The following CNTN5 variants were observed in gnomAD, a reference collection of about 807,000 sequenced individuals.
CNTN5 encodes contactin 5.
Under a neutral mutation model 129.1 loss-of-function variants are expected in CNTN5, and 77 were observed. The ratio of observed to expected loss-of-function variants is 0.60; its 90% CI spans 0.50 to 0.72. CNTN5 has a LOEUF of 0.72. Among genes scored for constraint, CNTN5 ranks in the 30% least tolerant of loss-of-function variants. CNTN5 has a pLI of 0.00. For synonymous variants in CNTN5, 509 were observed against 465.6 expected (o/e 1.09, Z -1.20); for missense variants, 1,478 against 1,328.8 (o/e 1.11, Z -1.75).
At chr11:99,641,526 G>T (rs1030289690) in intron 3 of CNTN5, among the ~76,000 whole-genome samples, 2 of 152,098 alleles carry the variant, frequency 1.3e-5, no homozygotes, top group African/African-American at 4.8e-5. Flanking sequence ...GGAAGTTCAC[G>T]GGTGGAGAAA....
chr11:100,350,734 C>T lies in CNTN5; in HGVS notation c.3063C>T (p.Ser1021=). Residue 1021 remains serine, a synonymous_variant, in exon 24 of 25, where the codon AGC becomes AGT. Transcript: ENST00000524871. ...ATAGGCAAGAGGGTCACAGCAACAG[C>T]CAAGTTATTGAAACACAGAAACTTC... The part of the protein sequence containing the change: ...VFYRQEGHSN[S]QVIETQKLQA... 6.2e-7 allele frequency: 1 copy of T among 1,608,046 alleles called. No homozygotes were observed. Among genetic ancestry groups the T allele is most frequent in the Non-Finnish European group, 8.5e-7 (1 of 1,176,376 alleles).
intron 3 of CNTN5, among the ~76,000 whole-genome samples, chr11:99,608,250 A>G (rs912391880): frequency 6.6e-6 from 1 of 152,154 alleles, no homozygotes; most frequent in African/African-American, 2.4e-5. Flanking sequence ...CATACTAGGA[A>G]TTGGAAGTCC....
chr11:99,556,226 T>A lies in CNTN5; in HGVS notation c.12T>A (p.Ser4=), dbSNP rs1465202855. 33 of 1,515,228 alleles carry A rather than the reference T, an allele frequency of 2.2e-5. No homozygotes were observed. The highest frequency in any genetic ancestry group is 2.8e-5 in the Non-Finnish European group (32 of 1,123,534). The allele number at this position is 1,515,228 out of a possible 1,614,324, so 93.9% of individuals were successfully genotyped here. Residue 4 remains serine (S), a synonymous_variant, in exon 3 of 25, where the codon TCT becomes TCA. Coordinates refer to ENST00000524871, the MANE Select transcript of CNTN5 (RefSeq NM_014361.4). ...TCTAGTGACTGAGGATGGCTTCCTC[T>A]TGGAAACTAATGCTGTTTCTGTCAG... MAS[S]WKLMLFLSVT... is the part of the protein sequence containing the mutation.
At chr11:99,570,054 G>T (rs1357323537) in intron 3 of CNTN5, among the ~76,000 whole-genome samples, 1 of 151,634 alleles carries the variant, frequency 6.6e-6, no homozygotes, top group Non-Finnish European at 1.5e-5. Context: ...TCATCAGGCT[G>T]CTCAGCCTCA....
chr11:100,318,573 C>A lies in CNTN5; in HGVS notation c.2730+10105C>A, dbSNP rs532032678. Reference sequence around the variant, plus strand: ...TAACAAATCTGCACACAGAAAAGTGCAAAAATTATTTTATTTTACAAATAT... The same window carrying A: ...TAACAAATCTGCACACAGAAAAGTGAAAAAATTATTTTATTTTACAAATAT... On this transcript the variant is annotated intron_variant, in intron 21 of 24. Transcript: ENST00000524871. Among the ~76,000 whole-genome samples the A allele has an allele frequency of 7.2e-5, 11 of 152,116 alleles. 1 individual carries two copies. In the South Asian group the frequency reaches 2.1e-3, roughly 29 times the overall value.
intron 1 of CNTN5, among the ~76,000 whole-genome samples, chr11:99,081,466 G>A (rs74609996): frequency 0.033 from 5,085 of 152,180 alleles, 164 homozygotes; most frequent in African/African-American, 0.082. Context: ...CCTTTTCTCT[G>A]TTTCAATTAA....
At chr11:100,295,223 T>A (rs1279326260) in intron 18 of CNTN5, among the ~76,000 whole-genome samples, 2 of 151,618 alleles carry the variant, frequency 1.3e-5, no homozygotes, top group African/African-American at 4.8e-5. Flanking sequence ...AGATGGGCTA[T>A]CTTGTCTTGA....
chr11:99,548,181 C>A (rs890409960), intron 2 of CNTN5, among the ~76,000 whole-genome samples: 1 of 151,954 alleles, frequency 6.6e-6, no homozygotes, highest in Admixed American at 6.6e-5. Flanking sequence ...TTGGAAAAAT[C>A]AGTTTTTGAT....
At chr11:99,729,233 G>T (rs1175785983) in intron 3 of CNTN5, among the ~76,000 whole-genome samples, 1 of 152,082 alleles carries the variant, frequency 6.6e-6, no homozygotes, top group Non-Finnish European at 1.5e-5. Flanking sequence ...GGTGATGGGG[G>T]TGCCTTCAGA....
intron 3 of CNTN5, among the ~76,000 whole-genome samples, chr11:99,795,928 C>A (rs1945921242): frequency 6.6e-6 from 1 of 152,184 alleles, no homozygotes; most frequent in South Asian, 2.1e-4. Context: ...CTTCATCAGG[C>A]AGTTTCAGTG....
intron 7 of CNTN5, among the ~76,000 whole-genome samples, chr11:99,938,110 T>G (rs2136101693): frequency 6.6e-6 from 1 of 152,284 alleles, no homozygotes; most frequent in Non-Finnish European, 1.5e-5. Flanking sequence ...AAAGGAATTT[T>G]ATTTTTAAAG....
At chr11:99,090,557 C>T (rs1035294718) in intron 1 of CNTN5, among the ~76,000 whole-genome samples, 1 of 151,858 alleles carries the variant, frequency 6.6e-6, no homozygotes, top group African/African-American at 2.4e-5. Flanking sequence ...ACAAAATCCA[C>T]AAATCCCTTA....
rs1951294570 is a variant in CNTN5 at position 99,630,282 on chromosome 11, A to C, written c.55+74013A>C. Reference sequence around the variant, plus strand: ...TATATATATATATGTATATACACATAATATGGTTGGAAAGATCATTTAAAA... The same window carrying C: ...TATATATATATATGTATATACACATCATATGGTTGGAAAGATCATTTAAAA... On this transcript the variant is annotated intron_variant, in intron 3 of 24. Transcript: ENST00000524871. Among the ~76,000 whole-genome samples the C allele has an allele frequency of 2.0e-5, 3 of 151,474 alleles. No homozygotes were observed. In the South Asian group the frequency reaches 6.3e-4, roughly 32 times the overall value.
intron 3 of CNTN5, among the ~76,000 whole-genome samples, chr11:99,816,526 C>T (rs1004457249): frequency 1.3e-5 from 2 of 152,134 alleles, no homozygotes; most frequent in African/African-American, 4.8e-5. Flanking sequence ...GGCAACCTTG[C>T]CTGATTTTTC....
intron 1 of CNTN5, among the ~76,000 whole-genome samples, chr11:99,038,518 T>G (rs1316209837): frequency 6.6e-6 from 1 of 152,128 alleles, no homozygotes; most frequent in Non-Finnish European, 1.5e-5. Flanking sequence ...ATGCTAGAAC[T>G]GATTCCTCCT....
intron 1 of CNTN5, among the ~76,000 whole-genome samples, chr11:99,135,730 C>T (rs1859188653): frequency 6.6e-6 from 1 of 152,064 alleles, no homozygotes; most frequent in Admixed American, 6.6e-5. Context: ...ATTTTATCTT[C>T]TACTAAATAC....
chr11:99,561,523 T>A (rs1948842768), intron 3 of CNTN5, among the ~76,000 whole-genome samples: 2 of 152,162 alleles, frequency 1.3e-5, no homozygotes, highest in Admixed American at 1.3e-4. Flanking sequence ...GCATACTGAC[T>A]TGTTTCCAAA....
chr11:99,208,432 C>T (rs1859592326), intron 1 of CNTN5, among the ~76,000 whole-genome samples: 2 of 152,058 alleles, frequency 1.3e-5, no homozygotes, highest in Admixed American at 1.3e-4. Context: ...AATTAATACC[C>T]TAAGGATATG....
At chr11:99,878,978 G>A (rs893967453) in intron 6 of CNTN5, among the ~76,000 whole-genome samples, 4 of 152,132 alleles carry the variant, frequency 2.6e-5, no homozygotes, top group South Asian at 2.1e-4. Context: ...TGTCGCTCGC[G>A]CTGGAGTACA....
Sources: gnomAD v4.1 joint callset for allele counts (sites outside exome capture counted in the v4.1 genomes callset) on GRCh38, gnomAD v4.1.1 for gene constraint, MANE v1.5 for transcripts, NCBI Gene and HGNC (gene_info 2026-07-23, HGNC 2026-07-21) for gene names.